Variants in KCTD2 observed in about 807,000 individuals in gnomAD.
The protein encoded by KCTD2 is BTB/POZ domain-containing protein KCTD2.
KCTD2 carries 18 observed loss-of-function variants against 27.9 expected under a neutral mutation model. That is an observed-to-expected ratio of 0.64 (90% confidence interval 0.45 to 0.96). KCTD2 has a LOEUF of 0.96. Ranked by LOEUF, KCTD2 falls within the 40% of genes least tolerant of loss-of-function variation. KCTD2 has a pLI of 0.00. For missense variants in KCTD2, 280 were observed against 348.0 expected, an observed-to-expected ratio of 0.80 and a Z score of 1.56; for synonymous variants, 175 against 148.4, an observed-to-expected ratio of 1.18 and a Z score of -1.30.
intron 2 of KCTD2, among the ~76,000 whole-genome samples, chr17:75,051,887 C>T (rs937886809): frequency 2.6e-5 from 4 of 152,286 alleles, no homozygotes; most frequent in East Asian, 3.9e-4. Context: ...TAGGATCACA[C>T]GTCTCATAGT....
intron 3 of KCTD2, 68 bp from the exon 4 acceptor site, chr17:75,059,442 C>A: frequency 2.0e-6 from 2 of 1,008,772 alleles, no homozygotes; most frequent in Non-Finnish European, 2.9e-6. Flanking sequence ...ATTTGAAGAG[C>A]CTCCTTGGGG....
At chr17:75,062,930 C>G in intron 5 of KCTD2, 88 bp from the exon 6 acceptor site, 1 of 1,376,222 alleles carries the variant, frequency 7.3e-7, no homozygotes, top group Non-Finnish European at 1.0e-6. Context: ...GACCATCATG[C>G]CACTCATCGG....
At chr17:75,033,848 C>G (rs1202017586) in intron 1 of KCTD2, among the ~76,000 whole-genome samples, 3 of 152,238 alleles carry the variant, frequency 2.0e-5, no homozygotes, top group Admixed American at 2.0e-4. Context: ...CAGGCCTTCT[C>G]TAGGAAAAGG....
At chr17:75,042,158 G>A in intron 3 of KCTD2, 1 of 1,602,268 alleles carries the variant, frequency 6.2e-7, no homozygotes, top group Non-Finnish European at 8.5e-7. Flanking sequence ...CAAGCTCAGT[G>A]CTTTAGAGGT....
chr17:75,060,707 C>A, intron 4 of KCTD2: 1 of 1,007,812 alleles, frequency 9.9e-7, no homozygotes. Flanking sequence ...TCGGTCGCCG[C>A]CACTCGCCAC....
intron 3 of KCTD2, among the ~76,000 whole-genome samples, chr17:75,053,508 T>G (rs1407948018): frequency 6.6e-6 from 1 of 151,912 alleles, no homozygotes; most frequent in African/African-American, 2.4e-5. Context: ...TGGTGCAATC[T>G]CGGCTCACTG....
intron 3 of KCTD2, among the ~76,000 whole-genome samples, chr17:75,057,944 C>T (rs1445489200): frequency 6.6e-6 from 1 of 152,084 alleles, no homozygotes; most frequent in Admixed American, 6.5e-5. Context: ...CCTGTAATCC[C>T]AGCACTTTGG....
At chr17:75,045,498 G>A (rs2144918359), upstream of KCTD2, among the ~76,000 whole-genome samples, 1 of 152,298 alleles carries the variant, frequency 6.6e-6, no homozygotes, top group Middle Eastern at 3.4e-3. Context: ...AGACAGGTAC[G>A]CCCCAGGGGG....
chr17:75,056,697 T>G (rs2073353273), intron 3 of KCTD2, among the ~76,000 whole-genome samples: 1 of 152,070 alleles, frequency 6.6e-6, no homozygotes, highest in Non-Finnish European at 1.5e-5. Flanking sequence ...CTTTTATACT[T>G]GTTGTATGTG....
chr17:75,047,220 C>G, upstream of KCTD2: 4 of 594,042 alleles, frequency 6.7e-6, no homozygotes, highest in Middle Eastern at 7.9e-4. Flanking sequence ...CGGCTGCGCG[C>G]GGGCAGCAGC....
chr17:75,038,805 G>T lies in KCTD2; in HGVS notation c.-259+3448G>T, dbSNP rs1341531055. On this transcript the variant is annotated intron_variant, in intron 3 of 7. Coordinates refer to the KCTD2 transcript ENST00000581589. ...AAACAAAAACCCCGCTGCCAGTGAG[G>T]CCAGCTCAGAAGAGAGGCTTAATTA... The T allele has an allele frequency of 3.7e-4, 420 of 1,138,934 alleles. 5 individuals carry two copies. Among genetic ancestry groups the T allele is most frequent in the South Asian group, 1.7e-5 (1 of 57,228 alleles). 70.6% of individuals were successfully genotyped at this position (1,138,934 alleles called of 1,614,324 possible). A position where few individuals can be genotyped will look rare whatever the true frequency, so the allele number is the denominator to read the frequency against.
chr17:75,057,555 C>CT (rs531046978), intron 3 of KCTD2, among the ~76,000 whole-genome samples: 2,050 of 133,336 alleles, frequency 0.015, 27 homozygotes, highest in Middle Eastern at 0.065. Flanking sequence ...AGCTATACCT[C>CT]TTTTTTTTTT....
chr17:75,065,793 G>C lies in KCTD2; in HGVS notation c.*2746G>C, dbSNP rs1299615062. 1 of 152,246 alleles carries C rather than the reference G, an allele frequency of 6.6e-6. No homozygotes were observed. The highest frequency in any genetic ancestry group is 2.4e-5 in the African/African-American group (1 of 41,440). 9.4% of individuals were successfully genotyped at this position (152,246 alleles called of 1,614,324 possible). ...AGACTTAGGGACGAGGCTGTCACTG[G>C]TGGGCACCCTCTGTTCCTGTTTGTG... is the stretch of plus-strand genomic sequence containing the variant. On this transcript the variant is annotated 3_prime_UTR_variant, in exon 6 of 6. Coordinates refer to ENST00000322444, the MANE Select transcript of KCTD2 (RefSeq NM_015353.3).
At position 75,047,287 on chromosome 17, in the gene KCTD2, C is replaced by A; in HGVS notation, c.37C>A (p.Leu13Met). 2.3e-6 allele frequency: 2 copies of A among 861,886 alleles called. No individual in the cohort carries two copies. The highest frequency in any genetic ancestry group is 2.8e-6 in the Non-Finnish European group (2 of 712,066). The allele number at this position is 861,886 out of a possible 1,614,324, so 53.4% of individuals were successfully genotyped here. A position where few individuals can be genotyped will look rare whatever the true frequency, so the allele number is the denominator to read the frequency against. ...GCAGCTGGACCCGGCGATGGCGGGG[C>A]TGGGAGGGGGCGGCGGGAGTGGGGT... is the stretch of plus-strand genomic sequence containing the variant. ...ELQLDPAMAGLGGGGGSGVGD... is the reference protein window; with the variant it reads ...ELQLDPAMAGMGGGGGSGVGD... Residue 13 changes from leucine (L) to methionine (M), a missense_variant, in exon 1 of 6, where the codon CTG becomes ATG. Leu to Met is a conservative substitution (Grantham distance 15). Transcript: ENST00000322444.
chr17:75,063,436 C>T lies in KCTD2; in HGVS notation c.*389C>T, dbSNP rs905446637. The T allele has an allele frequency of 3.7e-5, 9 of 244,712 alleles. No individual in the cohort carries two copies. Among genetic ancestry groups the T allele is most frequent in the Non-Finnish European group, 6.5e-5 (8 of 122,726 alleles). 15.2% of individuals were successfully genotyped at this position (244,712 alleles called of 1,614,324 possible). A position where few individuals can be genotyped will look rare whatever the true frequency, so the allele number is the denominator to read the frequency against. ...GGAGCCAAGAGGATTGTTCCCGTGCCGTGCCATGGTTTCACCCTATGTGTG... is the reference window on the plus strand; with the variant it reads ...GGAGCCAAGAGGATTGTTCCCGTGCTGTGCCATGGTTTCACCCTATGTGTG... On this transcript the variant is annotated 3_prime_UTR_variant, in exon 6 of 6. Transcript: ENST00000322444.
At chr17:75,048,021 C>T (rs1464676551) in intron 1 of KCTD2, among the ~76,000 whole-genome samples, 2 of 152,210 alleles carry the variant, frequency 1.3e-5, no homozygotes, top group African/African-American at 4.8e-5. Context: ...TCTCAGACTC[C>T]CTCTCGGACC....
chr17:75,035,237 G>A (rs1000534448), exon 3 of KCTD2: 1 of 152,096 alleles, frequency 6.6e-6, no homozygotes, highest in African/African-American at 2.4e-5. Context: ...TTTAGACCCA[G>A]AAACGCCTCC....
intron 3 of KCTD2, chr17:75,038,792 C>T (rs770528340): frequency 1.2e-5 from 12 of 1,010,356 alleles, no homozygotes; most frequent in East Asian, 2.7e-5. Flanking sequence ...ACAAAAACCC[C>T]GCTGCCAGTG....
At position 75,047,269 on chromosome 17, in the gene KCTD2, G is replaced by T; in HGVS notation, c.19G>T (p.Asp7Tyr). The T allele has an allele frequency of 2.2e-6, 2 of 914,922 alleles. No individual in the cohort carries two copies. Among genetic ancestry groups the T allele is most frequent in the South Asian group, 8.0e-5 (2 of 25,032 alleles). 56.7% of individuals were successfully genotyped at this position (914,922 alleles called of 1,614,324 possible). A position where few individuals can be genotyped will look rare whatever the true frequency, so the allele number is the denominator to read the frequency against. Residue 7 changes from aspartate to tyrosine, a missense_variant, in exon 1 of 6, where the codon GAC (aspartate) becomes TAC (tyrosine). Coordinates refer to ENST00000322444, the MANE Select transcript of KCTD2 (RefSeq NM_015353.3). MAELQL[D>Y]PAMAGLGGGG... Reference sequence around the variant, plus strand: ...GTCCAAGATGGCGGAACTGCAGCTGGACCCGGCGATGGCGGGGCTGGGAGG... The same window carrying T: ...GTCCAAGATGGCGGAACTGCAGCTGTACCCGGCGATGGCGGGGCTGGGAGG...
Sources: gnomAD v4.1 joint callset for allele counts (sites outside exome capture counted in the v4.1 genomes callset) on GRCh38, gnomAD v4.1.1 for gene constraint, MANE v1.5 for transcripts, NCBI Gene and HGNC (gene_info 2026-07-23, HGNC 2026-07-21) for gene names.